TMEM232: variants seen among roughly 807,000 people sequenced by gnomAD.
TMEM232 encodes transmembrane protein 232.
Under a neutral mutation model 78.8 loss-of-function variants are expected in TMEM232, and 80 were observed. That is an observed-to-expected ratio of 1.01 (90% CI 0.85 to 1.22). The LOEUF is 1.22. Among genes scored for constraint, TMEM232 ranks in the 50% most tolerant of loss-of-function variants. TMEM232 has a pLI of 0.00. For synonymous variants in TMEM232, 297 were observed against 254.3 expected (o/e 1.17, Z -1.60); for missense variants, 881 against 742.2 (o/e 1.19, Z -2.17).
intron 8 of TMEM232, among the ~76,000 whole-genome samples, chr5:110,611,665 G>A (rs1031102968): frequency 2.6e-5 from 4 of 152,054 alleles, no homozygotes; most frequent in Non-Finnish European, 4.4e-5. Context: ...TGCAGCTTCC[G>A]TATCACATAA....
chr5:110,674,756 G>A (rs1295329554), intron 1 of TMEM232, among the ~76,000 whole-genome samples: 1 of 152,134 alleles, frequency 6.6e-6, no homozygotes, highest in Admixed American at 6.6e-5. Context: ...AGCACTGGTC[G>A]ACCACATCGT....
intron 10 of TMEM232, among the ~76,000 whole-genome samples, chr5:110,584,898 T>G (rs1561737809): frequency 6.6e-6 from 1 of 152,094 alleles, no homozygotes; most frequent in Non-Finnish European, 1.5e-5. Flanking sequence ...TCTGCTATGA[T>G]ATATTATTAT....
At chr5:110,691,287 G>A (rs1004834605) in intron 1 of TMEM232, among the ~76,000 whole-genome samples, 2 of 152,114 alleles carry the variant, frequency 1.3e-5, no homozygotes, top group Admixed American at 6.5e-5. Flanking sequence ...ACAATGAGCT[G>A]ATACTGAAAT....
intron 1 of TMEM232, among the ~76,000 whole-genome samples, chr5:110,706,220 C>T (rs372786890): frequency 6.6e-6 from 1 of 152,012 alleles, no homozygotes; most frequent in Non-Finnish European, 1.5e-5. Flanking sequence ...TAAATGAAAT[C>T]AAAGATATTT....
intron 11 of TMEM232, among the ~76,000 whole-genome samples, chr5:110,533,419 C>T (rs1430448585): frequency 6.6e-6 from 1 of 152,202 alleles, no homozygotes; most frequent in Non-Finnish European, 1.5e-5. Flanking sequence ...GCCAGGACCG[C>T]ACCCTGTAGC....
At chr5:110,505,291 C>T (rs530182345) in intron 12 of TMEM232, among the ~76,000 whole-genome samples, 47 of 152,278 alleles carry the variant, frequency 3.1e-4, no homozygotes, top group African/African-American at 1.1e-3. Context: ...TAGCTCCCTT[C>T]TCTACTACTG....
chr5:110,704,708 T>C (rs1271650107), intron 1 of TMEM232, among the ~76,000 whole-genome samples: 4 of 152,100 alleles, frequency 2.6e-5, no homozygotes, highest in Non-Finnish European at 5.9e-5. Context: ...CAGCATCTTC[T>C]TTTTAGGATT....
At chr5:110,519,004 A>T (rs1769099523) in intron 12 of TMEM232, among the ~76,000 whole-genome samples, 1 of 152,186 alleles carries the variant, frequency 6.6e-6, no homozygotes, top group Admixed American at 6.5e-5. Context: ...AAAAAGAAAA[A>T]AATTCAAATA....
chr5:110,489,210 A>T (rs1764777488), intron 12 of TMEM232, among the ~76,000 whole-genome samples: 1 of 151,850 alleles, frequency 6.6e-6, no homozygotes, highest in African/African-American at 2.4e-5. Flanking sequence ...AGCCAGGTAA[A>T]TAACTAATTT....
At chr5:110,597,909 C>A (rs572288465) in intron 10 of TMEM232, among the ~76,000 whole-genome samples, 33 of 152,260 alleles carry the variant, frequency 2.2e-4, no homozygotes, top group South Asian at 8.3e-4. Flanking sequence ...ACCATAAAAA[C>A]CCTAGAAGAA....
chr5:110,396,703 G>A (rs753787046), intron 3 of TMEM232, among the ~76,000 whole-genome samples: 1 of 152,150 alleles, frequency 6.6e-6, no homozygotes, highest in South Asian at 2.1e-4. Context: ...CAAATTTGCA[G>A]TGCTGTTTTG....
intron 1 of TMEM232, among the ~76,000 whole-genome samples, chr5:110,689,332 G>A (rs1793809168): frequency 6.6e-6 from 1 of 152,060 alleles, no homozygotes; most frequent in Non-Finnish European, 1.5e-5. Flanking sequence ...ACATATATAT[G>A]TTCATCAACT....
At chr5:110,581,885 G>T (rs935516081) in intron 10 of TMEM232, among the ~76,000 whole-genome samples, 5 of 151,538 alleles carry the variant, frequency 3.3e-5, no homozygotes, top group African/African-American at 1.2e-4. Flanking sequence ...AGACATACAT[G>T]CATCCAAAAA....
intron 1 of TMEM232, among the ~76,000 whole-genome samples, chr5:110,700,815 T>TAGATAGAC: frequency 6.6e-6 from 1 of 151,724 alleles, no homozygotes; most frequent in East Asian, 1.9e-4. Context: ...GATAGATAGA[T>TAGATAGAC]AGATAGATAG....
At chr5:110,479,799 C>T (rs1229714624) in intron 12 of TMEM232, among the ~76,000 whole-genome samples, 3 of 151,756 alleles carry the variant, frequency 2.0e-5, no homozygotes, top group African/African-American at 7.2e-5. Flanking sequence ...ATACAAGTTC[C>T]ATTCTACATG....
At chr5:110,506,225 A>G (rs1580980179) in intron 12 of TMEM232, among the ~76,000 whole-genome samples, 1 of 151,770 alleles carries the variant, frequency 6.6e-6, no homozygotes, top group Non-Finnish European at 1.5e-5. Flanking sequence ...CCAACCTTAA[A>G]TTTTTGTTAT....
intron 2 of TMEM232, among the ~76,000 whole-genome samples, chr5:110,731,695 C>A (rs571746019): frequency 2.0e-5 from 3 of 152,216 alleles, no homozygotes; most frequent in Non-Finnish European, 4.4e-5. Flanking sequence ...CTGCACACAG[C>A]ATGGGGACTC....
At chr5:110,523,855 G>C (rs974362684) in intron 12 of TMEM232, among the ~76,000 whole-genome samples, 1 of 151,382 alleles carries the variant, frequency 6.6e-6, no homozygotes, top group Non-Finnish European at 1.5e-5. Context: ...CAGCTACTCA[G>C]GAGGTTGAGG....
At chr5:110,431,719 C>T (rs1158212328) in intron 12 of TMEM232, among the ~76,000 whole-genome samples, 1 of 151,100 alleles carries the variant, frequency 6.6e-6, no homozygotes, top group South Asian at 2.1e-4. Flanking sequence ...ATAGAATTGA[C>T]AAAAAAAGCA....
Sources: allele counts gnomAD v4.1 joint callset (sites outside exome capture counted in the v4.1 genomes callset), GRCh38; gene constraint gnomAD v4.1.1; transcripts MANE v1.5; gene names NCBI Gene and HGNC (gene_info 2026-07-23, HGNC 2026-07-21).